The following RALGAPA1 variants were observed in gnomAD, a reference collection of about 807,000 sequenced individuals.
RALGAPA1 encodes ral GTPase-activating protein subunit alpha-1.
Under a neutral mutation model 269.6 loss-of-function variants are expected in RALGAPA1, and 52 were observed. The ratio of observed to expected loss-of-function variants is 0.19; its 90% CI spans 0.15 to 0.24. The LOEUF is 0.24. Ranked by LOEUF, RALGAPA1 falls within the 10% of genes least tolerant of loss-of-function variation. RALGAPA1 has a pLI of 1.00. For synonymous variants in RALGAPA1, 817 were observed against 1,008.3 expected, an observed-to-expected ratio of 0.81 and a Z score of 3.60; for missense variants, 1,917 against 3,013.9, an observed-to-expected ratio of 0.64 and a Z score of 8.52.
chr14:35,638,989 T>G (rs1350994169), intron 31 of RALGAPA1, among the ~76,000 whole-genome samples: 1 of 149,154 alleles, frequency 6.7e-6, no homozygotes, highest in Non-Finnish European at 1.5e-5. Context: ...TAGACTAAAC[T>G]CAATCAAAAG....
chr14:35,697,344 TG>T (rs2066984486), intron 17 of RALGAPA1, among the ~76,000 whole-genome samples: 2 of 151,944 alleles, frequency 1.3e-5, no homozygotes, highest in South Asian at 4.1e-4. Context: ...TTTTTTGTTT[TG>T]TTTTGTTTTG....
At chr14:35,614,825 T>C (rs2060152862) in intron 35 of RALGAPA1, among the ~76,000 whole-genome samples, 1 of 152,112 alleles carries the variant, frequency 6.6e-6, no homozygotes, top group Non-Finnish European at 1.5e-5. Flanking sequence ...GGGCTATCAA[T>C]TAGAGCTCAT....
intron 4 of RALGAPA1, among the ~76,000 whole-genome samples, chr14:35,767,607 G>T (rs1026330303): frequency 6.6e-6 from 1 of 152,082 alleles, no homozygotes; most frequent in African/African-American, 2.4e-5. Flanking sequence ...AGAATTGCTT[G>T]AACCCAGGAG....
intron 1 of RALGAPA1, among the ~76,000 whole-genome samples, chr14:35,786,435 C>T (rs2141703000): frequency 6.6e-6 from 1 of 151,952 alleles, no homozygotes; most frequent in African/African-American, 2.4e-5. Context: ...GTCACGAGGT[C>T]AGAAGATCGA....
intron 13 of RALGAPA1, among the ~76,000 whole-genome samples, chr14:35,726,771 T>C (rs2069954251): frequency 1.3e-5 from 2 of 152,182 alleles, no homozygotes; most frequent in South Asian, 2.1e-4. Context: ...ATTCAAAGTA[T>C]ACAGAAAGAA....
intron 26 of RALGAPA1, among the ~76,000 whole-genome samples, chr14:35,671,007 T>A (rs1039872516): frequency 3.9e-5 from 6 of 152,090 alleles, no homozygotes; most frequent in Non-Finnish European, 4.4e-5. Context: ...TTCTTTTTTT[T>A]AATTTTTAAA....
chr14:35,756,918 G>T lies in RALGAPA1; in HGVS notation c.548-10C>A. The T allele has an allele frequency of 6.3e-7, 1 of 1,590,724 alleles. No homozygotes were observed. Among genetic ancestry groups the T allele is most frequent in the Non-Finnish European group, 8.6e-7 (1 of 1,167,764 alleles). ...TCTATAGTGACTTGAGCTATCCAAA[G>T]ACAAAAGAATAGTATATAGTTACAA... On this transcript the variant is annotated splice_polypyrimidine_tract_variant and intron_variant, in intron 6 of 41. Transcript: ENST00000680220.
Position 35,688,435 on chromosome 14 carries a change from G to A in RALGAPA1, c.3952+24C>T, listed in dbSNP as rs1158443751. On this transcript the variant is annotated intron_variant, in intron 18 of 41. Coordinates refer to ENST00000680220, the MANE Select transcript of RALGAPA1 (RefSeq NM_001346249.2). ...ACTGGTGCTGTCTTTCTCCTTTTGC[G>A]CTCTGCACACTGTTAGTGCTCACCT... The A allele has an allele frequency of 7.2e-6, 11 of 1,535,820 alleles. No homozygotes were observed. The Admixed American group carries it at 1.2e-4, about 16-fold the overall frequency.
chr14:35,714,669 C>G (rs1180981257), intron 16 of RALGAPA1, among the ~76,000 whole-genome samples: 2 of 152,186 alleles, frequency 1.3e-5, no homozygotes, highest in Non-Finnish European at 2.9e-5. Flanking sequence ...CAGATAATAT[C>G]TCTTTAGATT....
At chr14:35,567,344 G>GT (rs1025530969) in intron 39 of RALGAPA1, among the ~76,000 whole-genome samples, 1 of 152,030 alleles carries the variant, frequency 6.6e-6, no homozygotes, top group Non-Finnish European at 1.5e-5. Context: ...GGGTAGACTT[G>GT]TTTTATATTG....
At chr14:35,543,233 A>G (rs978526598) in intron 41 of RALGAPA1, among the ~76,000 whole-genome samples, 1 of 152,216 alleles carries the variant, frequency 6.6e-6, no homozygotes, top group Non-Finnish European at 1.5e-5. Flanking sequence ...AAGTCATCCC[A>G]GGGATTAAGA....
chr14:35,579,480 C>T (rs1290952216), intron 37 of RALGAPA1, among the ~76,000 whole-genome samples: 3 of 151,694 alleles, frequency 2.0e-5, no homozygotes, highest in Admixed American at 1.3e-4. Context: ...AGGTGGTGCA[C>T]GCCTGTAGTC....
Position 35,684,977 on chromosome 14 carries a change from G to A in RALGAPA1, c.4246C>T (p.His1416Tyr). 4 of 1,613,522 alleles carry A rather than the reference G, an allele frequency of 2.5e-6. No homozygotes were observed. The highest frequency in any genetic ancestry group is 3.4e-6 in the Non-Finnish European group (4 of 1,179,900). Residue 1416 changes from histidine to tyrosine, a missense_variant, in exon 20 of 42, where the codon CAT becomes TAT. Physicochemically the swap from His to Tyr is moderately conservative, Grantham distance 83. Transcript: ENST00000680220. ...GSSDLISSDSHSDSFSAFQYD... is the reference protein window; with the variant it reads ...GSSDLISSDSYSDSFSAFQYD... ...TGGAAAGCGCTGAAAGAATCCGAAT[G>A]ACTATCTGAGCTGATAAGATCACTG... is the stretch of plus-strand genomic sequence containing the variant.
At chr14:35,623,943 C>T (rs991808599) in intron 35 of RALGAPA1, among the ~76,000 whole-genome samples, 8 of 151,928 alleles carry the variant, frequency 5.3e-5, no homozygotes, top group East Asian at 1.9e-4. Context: ...ATTAGCTGGG[C>T]GTGGTGGCGG....
At chr14:35,556,339 A>G (rs1388581828) in intron 39 of RALGAPA1, among the ~76,000 whole-genome samples, 1 of 152,192 alleles carries the variant, frequency 6.6e-6, no homozygotes, top group African/African-American at 2.4e-5. Context: ...AAAGCAAACT[A>G]TACTGCTTAC....
Position 35,651,786 on chromosome 14 carries a change from CA to C in RALGAPA1, c.5676+18del. On this transcript the variant is annotated intron_variant, in intron 31 of 41. Coordinates refer to ENST00000680220, the MANE Select transcript of RALGAPA1 (RefSeq NM_001346249.2). ...TACTAAATAACCACATACTAATCATCAAACAAAATTTAAATTACCCTCTTGT... is the reference window on the plus strand; with the variant it reads ...TACTAAATAACCACATACTAATCATCAACAAAATTTAAATTACCCTCTTGT... The C allele has an allele frequency of 1.3e-6, 2 of 1,576,726 alleles. No homozygotes were observed. Among genetic ancestry groups the C allele is most frequent in the Non-Finnish European group, 1.7e-6 (2 of 1,166,898 alleles).
chr14:35,738,643 C>T lies in RALGAPA1; in HGVS notation c.1457G>A (p.Gly486Glu). The T allele has an allele frequency of 6.2e-7, 1 of 1,603,554 alleles. No homozygotes were observed. ...TCGAACATGATCAGCAGTATTGGTC[C>T]CATTTTCCTGAAGCAAAATATCAAG... ...EEGEKREEEN[G>E]TNTADHVRNS... Residue 486 changes from glycine (G) to glutamate (E), a missense_variant, in exon 12 of 42, where the codon GGG (glycine) becomes GAG (glutamate). Gly to Glu is a moderately conservative substitution (Grantham distance 98, BLOSUM62 -2). This residue lies in a region of RALGAPA1 where 462 missense variants were observed against 725.6 expected (regional missense o/e 0.64). Coordinates refer to ENST00000680220, the MANE Select transcript of RALGAPA1 (RefSeq NM_001346249.2).
intron 26 of RALGAPA1, 40 bp downstream of exon 26, chr14:35,671,349 C>T (rs2064413043): frequency 6.7e-7 from 1 of 1,495,394 alleles, no homozygotes; most frequent in African/African-American, 1.4e-5. Context: ...TGAATCCTGG[C>T]TAAAGTTTGT....
intron 16 of RALGAPA1, among the ~76,000 whole-genome samples, chr14:35,702,726 A>AAAT (rs1555409672): frequency 1.2e-3 from 174 of 143,500 alleles, no homozygotes; most frequent in Middle Eastern, 0.011. Flanking sequence ...AAAAAAAAAA[A>AAAT]ATATATATAT....
Sources: gnomAD v4.1 joint callset for allele counts (sites outside exome capture counted in the v4.1 genomes callset) on GRCh38, gnomAD v4.1.1 for gene constraint, gnomAD v4.1.1 regional missense constraint, MANE v1.5 for transcripts, NCBI Gene and HGNC (gene_info 2026-07-23, HGNC 2026-07-21) for gene names.